The following SLC25A19 variants were observed in gnomAD, a reference collection of about 807,000 sequenced individuals.
SLC25A19 encodes solute carrier family 25 member 19.
In SLC25A19, 18 loss-of-function variants were observed where a neutral mutation model predicts 27.9. That is an observed-to-expected ratio of 0.64 (90% CI 0.45 to 0.96). SLC25A19 has a LOEUF of 0.96. SLC25A19 is among the 40% of genes least tolerant of loss of function. The probability of loss-of-function intolerance (pLI) is 0.00; values close to 1 mark genes in which losing one functional copy is unlikely to be tolerated. For missense variants in SLC25A19, 371 were observed against 418.3 expected, an observed-to-expected ratio of 0.89 and a Z score of 0.99; for synonymous variants, 169 against 167.1, an observed-to-expected ratio of 1.01 and a Z score of -0.09.
chr17:75,277,572 C>T, intron 6 of SLC25A19, 89 bp from the exon 7 acceptor site: 1 of 1,498,124 alleles, frequency 6.7e-7, no homozygotes, highest in Non-Finnish European at 9.2e-7. Flanking sequence ...TAATCCTCCA[C>T]CACAAACCAA....
chr17:75,284,633 C>CATTTTTTTTT lies in SLC25A19; in HGVS notation c.289-1041_289-1040insAAAAAAAAAT, dbSNP rs776356552. On this transcript the variant is annotated intron_variant, in intron 4 of 7. Coordinates refer to ENST00000416858, the MANE Select transcript of SLC25A19 (RefSeq NM_001126121.2). ...GTGACCCCCTTACATTCAGATCTTT[C>CATTTTTTTTT]TTTTTTTTTTTTTTTTTTTTTTTTT... 1.8e-5 allele frequency among the ~76,000 whole-genome samples: 2 copies of CATTTTTTTTT among 112,290 alleles called. 1 individual carries two copies. The allele number at this position is 112,290 out of a possible 152,430, so 73.7% of individuals were successfully genotyped here. A position where few individuals can be genotyped will look rare whatever the true frequency, so the allele number is the denominator to read the frequency against.
intron 7 of SLC25A19, among the ~76,000 whole-genome samples, chr17:75,276,993 T>C (rs113340732): frequency 2.7e-4 from 41 of 151,284 alleles, no homozygotes; most frequent in Non-Finnish European, 4.6e-4. Context: ...AGGATATGTT[T>C]TAAGAGCAGA....
At chr17:75,284,164 G>T (rs561774709) in intron 4 of SLC25A19, among the ~76,000 whole-genome samples, 17 of 152,076 alleles carry the variant, frequency 1.1e-4, no homozygotes, top group Non-Finnish European at 2.5e-4. Flanking sequence ...CAGCACTTTG[G>T]AAGGCCGAGG....
In SLC25A19 at chr17:75,286,799, C is replaced by A. The variant is rs1383995778; in HGVS notation, c.-35G>T. ...TGGCCCACACAATGTCCATCAGTAT[C>A]AAGCTAAATGCAAGAGATACGGAAT... On this transcript the variant is annotated 5_prime_UTR_variant, in exon 3 of 8. An upstream open reading frame in the 5' UTR loses its in-frame stop. Transcript: ENST00000416858. The A allele has an allele frequency of 1.2e-6, 2 of 1,613,752 alleles. No individual in the cohort carries two copies. Among genetic ancestry groups the A allele is most frequent in the Non-Finnish European group, 8.5e-7 (1 of 1,179,830 alleles).
chr17:75,284,382 AAC>A (rs1898440730), intron 4 of SLC25A19, among the ~76,000 whole-genome samples: 1 of 152,296 alleles, frequency 6.6e-6, no homozygotes, highest in African/African-American at 2.4e-5. Flanking sequence ...CAGCCTGGGC[AAC>A]AGAGTGAGAC....
intron 4 of SLC25A19, among the ~76,000 whole-genome samples, chr17:75,286,007 A>T (rs1199790503): frequency 6.6e-6 from 1 of 152,204 alleles, no homozygotes; most frequent in Non-Finnish European, 1.5e-5. Flanking sequence ...TGAAGGTGGT[A>T]TTTCAAAAAC....
intron 1 of SLC25A19, 118 bp from the exon 2 acceptor site, chr17:75,288,709 G>A (rs1402535326): frequency 9.6e-6 from 1 of 104,022 alleles, no homozygotes; most frequent in Non-Finnish European, 1.9e-5. Context: ...CCTAGTTCTT[G>A]AATACTTGTA....
rs77860123 is a variant in SLC25A19, at chr17:75,278,477, G to A, written c.460-142C>T. ...TGCCAGGAAGACAGTCAAGGGAAAC[G>A]CTGGACAGAGATTCGAAGGATGGCA... On this transcript the variant is annotated intron_variant, in intron 5 of 7. Coordinates refer to ENST00000416858, the MANE Select transcript of SLC25A19 (RefSeq NM_001126121.2). 64,230 of 879,354 alleles carry A rather than the reference G, an allele frequency of 0.073. 2,826 individuals are homozygous for A. Among genetic ancestry groups the A allele is most frequent in the Middle Eastern group, 0.11 (411 of 3,598 alleles). The allele number at this position is 879,354 out of a possible 1,614,324, so 54.5% of individuals were successfully genotyped here.
chr17:75,284,615 C>T (rs1055488325), intron 4 of SLC25A19, among the ~76,000 whole-genome samples: 8 of 150,784 alleles, frequency 5.3e-5, no homozygotes, highest in Admixed American at 2.7e-4. Context: ...AGGGTGACCC[C>T]CTTACATTCA....
At chr17:75,280,843 G>A (rs2078021841) in intron 5 of SLC25A19, among the ~76,000 whole-genome samples, 1 of 151,256 alleles carries the variant, frequency 6.6e-6, no homozygotes, top group South Asian at 2.1e-4. Flanking sequence ...GGAGGCTGAG[G>A]CATGAGAATC....
rs1020289438 is a variant in SLC25A19 at position 75,278,096 on chromosome 17, G to T, written c.643+56C>A. 7.6e-6 allele frequency: 12 copies of T among 1,578,028 alleles called. No individual in the cohort carries two copies. In the African/African-American group the frequency reaches 1.2e-4, roughly 16 times the overall value. ...CTTTAGCTCCTTTGTGATTTGGAAG[G>T]GGGTGTTCTGGTGGCTGGGGTGGGA... On this transcript the variant is annotated intron_variant, in intron 6 of 7. Coordinates refer to ENST00000416858, the MANE Select transcript of SLC25A19 (RefSeq NM_001126121.2).
At chr17:75,274,628 G>A (rs1014836365) in intron 7 of SLC25A19, among the ~76,000 whole-genome samples, 18 of 152,056 alleles carry the variant, frequency 1.2e-4, no homozygotes, top group Admixed American at 1.0e-3. Flanking sequence ...TCTCACCATC[G>A]GCTCCCTGTC....
At chr17:75,283,311 A>AAACAG in intron 5 of SLC25A19, 112 bp downstream of exon 5, 1 of 1,237,180 alleles carries the variant, frequency 8.1e-7, no homozygotes, top group Non-Finnish European at 1.1e-6. Flanking sequence ...AAACAAAACA[A>AAACAG]AACAGAACAA....
Position 75,273,228 on chromosome 17 carries a change from T to G in SLC25A19, c.*223A>C, listed in dbSNP as rs970213671. ...AGCAACTTCCTGCTCCTTCTCACTG[T>G]GTCGTTGGCTCACCATAGACCACGT... On this transcript the variant is annotated 3_prime_UTR_variant, in exon 8 of 8. Transcript: ENST00000416858. 2 of 574,742 alleles carry G rather than the reference T, an allele frequency of 3.5e-6. No homozygotes were observed. The highest frequency in any genetic ancestry group is 3.7e-5 in the African/African-American group (2 of 53,368). 35.6% of individuals were successfully genotyped at this position (574,742 alleles called of 1,614,324 possible). A position where few individuals can be genotyped will look rare whatever the true frequency, so the allele number is the denominator to read the frequency against.
intron 5 of SLC25A19, among the ~76,000 whole-genome samples, chr17:75,281,646 G>C (rs1466848980): frequency 2.0e-5 from 3 of 152,152 alleles, no homozygotes; most frequent in Admixed American, 6.6e-5. Flanking sequence ...ACAGTGAGCT[G>C]AGATTGCGCC....
chr17:75,277,453 C>T lies in SLC25A19; in HGVS notation c.674G>A (p.Gly225Glu). Reference sequence around the variant, plus strand: ...CAGGGTCTTGCTGATGACACCAGCTCCACTGCCACAAAGCAGGTTTTGGAG... The same window carrying T: ...CAGGGTCTTGCTGATGACACCAGCTTCACTGCCACAAAGCAGGTTTTGGAG... ...ENLQNLLCGSGAGVISKTLTY... is the reference protein window; with the variant it reads ...ENLQNLLCGSEAGVISKTLTY... The change falls in exon 7 of 8, where the codon GGA becomes GAA. Residue 225 changes from glycine to glutamate, a missense_variant. Gly to Glu is a moderately conservative substitution (Grantham distance 98). Coordinates refer to ENST00000416858, the MANE Select transcript of SLC25A19 (RefSeq NM_001126121.2). The T allele has an allele frequency of 6.2e-7, 1 of 1,614,040 alleles. No homozygotes were observed. The highest frequency in any genetic ancestry group is 8.5e-7 in the Non-Finnish European group (1 of 1,179,968).
Position 75,273,220 on chromosome 17 carries a change from TCTCA to T in SLC25A19, c.*227_*230del. The T allele has an allele frequency of 1.8e-6, 1 of 563,000 alleles. No homozygotes were observed. Among genetic ancestry groups the T allele is most frequent in the East Asian group, 3.0e-5 (1 of 32,928 alleles). The allele number at this position is 563,000 out of a possible 1,614,324, so 34.9% of individuals were successfully genotyped here. Reference sequence around the variant, plus strand: ...GGAGAAACAGCAACTTCCTGCTCCTTCTCACTGTGTCGTTGGCTCACCATAGACC... The same window carrying T: ...GGAGAAACAGCAACTTCCTGCTCCTTCTGTGTCGTTGGCTCACCATAGACC... On this transcript the variant is annotated 3_prime_UTR_variant, in exon 8 of 8. Transcript: ENST00000416858.
At position 75,278,134 on chromosome 17, in the gene SLC25A19, G is replaced by C. The variant is rs9901041; in HGVS notation, c.643+18C>G. The C allele has an allele frequency of 3.1e-6, 5 of 1,611,846 alleles. No homozygotes were observed. The highest frequency in any genetic ancestry group is 4.2e-6 in the Non-Finnish European group (5 of 1,179,422). On this transcript the variant is annotated intron_variant, in intron 6 of 7. Transcript: ENST00000416858. ...GGCTGGGGTGGGAGGGCTCCCTCTC[G>C]TGTGAGGGCTGCCTCACCATTTTTC...
At chr17:75,278,719 C>T (rs113909053) in intron 5 of SLC25A19, among the ~76,000 whole-genome samples, 10,560 of 152,042 alleles carry the variant, frequency 0.069, 413 homozygotes, top group Middle Eastern at 0.12. Context: ...CGGTGGCTCA[C>T]GCCTGTAATC....
Sources: gnomAD v4.1 joint callset for allele counts (sites outside exome capture counted in the v4.1 genomes callset) on GRCh38, gnomAD v4.1.1 for gene constraint, MANE v1.5 for transcripts, NCBI Gene and HGNC (gene_info 2026-07-23, HGNC 2026-07-21) for gene names.